The following LRRTM4 variants were observed in gnomAD, a reference collection of about 807,000 sequenced individuals.
The protein encoded by LRRTM4 is leucine rich repeat transmembrane neuronal 4.
A neutral mutation model predicts 47.6 loss-of-function variants in LRRTM4; 25 were observed. The ratio of observed to expected loss-of-function variants is 0.53; its 90% confidence interval spans 0.38 to 0.73. LRRTM4 has a LOEUF of 0.73. Among genes scored for constraint, LRRTM4 ranks in the 30% least tolerant of loss-of-function variants. The pLI is 0.00. For missense variants in LRRTM4, 638 were observed against 713.4 expected, an observed-to-expected ratio of 0.89 and a Z score of 1.20; for synonymous variants, 311 against 269.5, an observed-to-expected ratio of 1.15 and a Z score of -1.51.
chr2:77,490,681 C>G (rs868161704), intron 3 of LRRTM4, among the ~76,000 whole-genome samples: 20 of 152,090 alleles, frequency 1.3e-4, no homozygotes, highest in African/African-American at 2.6e-4. Flanking sequence ...GAAGAGCCGC[C>G]ACCTGCTAAA....
intron 3 of LRRTM4, among the ~76,000 whole-genome samples, chr2:77,013,975 C>T (rs1677964749): frequency 6.6e-6 from 1 of 152,012 alleles, no homozygotes; most frequent in Admixed American, 6.6e-5. Context: ...AGGTTGGTTC[C>T]TTATGGAAAA....
At chr2:77,323,244 C>T (rs1486372383) in intron 3 of LRRTM4, among the ~76,000 whole-genome samples, 1 of 152,042 alleles carries the variant, frequency 6.6e-6, no homozygotes, top group Non-Finnish European at 1.5e-5. Context: ...AAATTTTTCC[C>T]CAGAATTTTT....
At chr2:76,907,253 T>A (rs1406735983) in intron 3 of LRRTM4, among the ~76,000 whole-genome samples, 3 of 146,312 alleles carry the variant, frequency 2.1e-5, no homozygotes, top group Non-Finnish European at 3.0e-5. Flanking sequence ...ACCAGGTACA[T>A]AATGAAATGA....
intron 3 of LRRTM4, among the ~76,000 whole-genome samples, chr2:77,457,249 T>C (rs1339386416): frequency 2.0e-5 from 3 of 151,866 alleles, no homozygotes; most frequent in Non-Finnish European, 2.9e-5. Flanking sequence ...CCCCTCTCAC[T>C]ACAAAATCTG....
At chr2:77,103,667 A>ATATATATATCTATATATC (rs145819033) in intron 3 of LRRTM4, among the ~76,000 whole-genome samples, 2 of 146,274 alleles carry the variant, frequency 1.4e-5, no homozygotes, top group African/African-American at 5.1e-5. Flanking sequence ...ATATATAGAT[A>ATATATATATCTATATATC]TATATATCAC....
chr2:77,165,418 T>C (rs12713300), intron 3 of LRRTM4, among the ~76,000 whole-genome samples: 97,759 of 152,024 alleles, frequency 0.64, 31,431 homozygotes, highest in South Asian at 0.69. Context: ...TCTGAAACTA[T>C]TCCAATCAGT....
intron 3 of LRRTM4, among the ~76,000 whole-genome samples, chr2:77,190,408 C>G (rs1429448564): frequency 1.3e-5 from 2 of 150,960 alleles, no homozygotes; most frequent in Non-Finnish European, 2.9e-5. Flanking sequence ...AATTCTCTTG[C>G]CTCAGCCTCC....
intron 3 of LRRTM4, among the ~76,000 whole-genome samples, chr2:76,952,389 C>G (rs1309102175): frequency 6.6e-6 from 1 of 151,834 alleles, no homozygotes; most frequent in Non-Finnish European, 1.5e-5. Context: ...TGGGCATGAA[C>G]AGACATTTCT....
chr2:77,173,897 T>C (rs1225485410), intron 3 of LRRTM4, among the ~76,000 whole-genome samples: 1 of 152,222 alleles, frequency 6.6e-6, no homozygotes, highest in Non-Finnish European at 1.5e-5. Flanking sequence ...TGAACCTTTT[T>C]CTAAAAGAAG....
At chr2:76,785,881 A>G (rs1256145765) in intron 3 of LRRTM4, among the ~76,000 whole-genome samples, 2 of 152,110 alleles carry the variant, frequency 1.3e-5, no homozygotes, top group East Asian at 1.9e-4. Flanking sequence ...TGCCCAAGGA[A>G]GAAAATGCCT....
intron 3 of LRRTM4, among the ~76,000 whole-genome samples, chr2:76,900,090 A>G (rs1036718223): frequency 2.6e-5 from 4 of 152,052 alleles, no homozygotes; most frequent in Admixed American, 6.6e-5. Flanking sequence ...TTAGTCAGGC[A>G]TGATGGATGG....
At chr2:76,828,881 C>G (rs1214639744) in intron 3 of LRRTM4, among the ~76,000 whole-genome samples, 6 of 151,946 alleles carry the variant, frequency 3.9e-5, no homozygotes, top group African/African-American at 1.2e-4. Context: ...GTACATTTTT[C>G]TTTAATCTCT....
At chr2:77,118,496 A>T (rs1288470717) in intron 3 of LRRTM4, among the ~76,000 whole-genome samples, 3 of 151,968 alleles carry the variant, frequency 2.0e-5, no homozygotes, top group Non-Finnish European at 4.4e-5. Flanking sequence ...ATTAATGCCC[A>T]AGATCTTCCA....
intron 3 of LRRTM4, among the ~76,000 whole-genome samples, chr2:76,774,752 A>T (rs556638321): frequency 1.3e-5 from 2 of 152,108 alleles, no homozygotes; most frequent in Non-Finnish European, 2.9e-5. Context: ...TCTGTCTGAC[A>T]TTTTTGCTTT....
At position 77,145,606 on chromosome 2, in the gene LRRTM4, A is replaced by C. The variant is rs1014264672; in HGVS notation, c.1551+372712T>G. 3.1e-4 allele frequency among the ~76,000 whole-genome samples: 46 copies of C among 149,620 alleles called. 1 individual carries two copies. The highest frequency in any genetic ancestry group is 1.1e-3 in the African/African-American group (43 of 40,156). ...ACATGGTGAAACCCTGTCTCTACTA[A>C]AAATACAAAAAAAAAAAATTAGCTG... On this transcript the variant is annotated intron_variant, in intron 3 of 3. Transcript: ENST00000409884.
At chr2:77,399,836 A>T (rs1266246605) in intron 3 of LRRTM4, among the ~76,000 whole-genome samples, 1 of 151,866 alleles carries the variant, frequency 6.6e-6, no homozygotes, top group Non-Finnish European at 1.5e-5. Context: ...AAAGATGTGC[A>T]TTGAAATTGG....
intron 3 of LRRTM4, among the ~76,000 whole-genome samples, chr2:77,103,663 A>ATC (rs61143158): frequency 1.4e-5 from 2 of 145,044 alleles, no homozygotes; most frequent in South Asian, 2.2e-4. Flanking sequence ...ATATATATAT[A>ATC]GATATATATA....
intron 3 of LRRTM4, among the ~76,000 whole-genome samples, chr2:77,464,787 C>G (rs529647975): frequency 6.6e-6 from 1 of 152,232 alleles, no homozygotes; most frequent in East Asian, 1.9e-4. Flanking sequence ...ATATGAGACA[C>G]TTAATAAAAT....
chr2:77,159,480 C>A (rs755987429), intron 3 of LRRTM4, among the ~76,000 whole-genome samples: 4 of 149,250 alleles, frequency 2.7e-5, no homozygotes, highest in Admixed American at 6.7e-5. Context: ...ATGTAACAAA[C>A]CTGCATGTTG....
Sources: allele counts gnomAD v4.1 joint callset (sites outside exome capture counted in the v4.1 genomes callset), GRCh38; gene constraint gnomAD v4.1.1; transcripts MANE v1.5; gene names NCBI Gene and HGNC (gene_info 2026-07-23, HGNC 2026-07-21).